The following TNS4 variants were observed in gnomAD, a reference collection of about 807,000 sequenced individuals.
The protein encoded by TNS4 is tensin-4.
In TNS4, 46 loss-of-function variants were observed where a neutral mutation model predicts 70.4. The observed-to-expected ratio is 0.65, with a 90% CI of 0.52 to 0.84. The LOEUF (loss-of-function observed/expected upper bound fraction) is 0.84, where lower values mean the gene tolerates loss of function less well. Among genes scored for constraint, TNS4 ranks in the 40% least tolerant of loss-of-function variants. The pLI, the probability that TNS4 is intolerant of heterozygous loss-of-function variation, is 0.00. For missense variants in TNS4, 863 were observed against 907.0 expected (o/e 0.95, Z 0.62); for synonymous variants, 390 against 366.6 (o/e 1.06, Z -0.73).
Position 40,487,502 on chromosome 17 carries a change from T to C in TNS4, c.864-42A>G, listed in dbSNP as rs576799591. The C allele has an allele frequency of 2.6e-5, 41 of 1,562,330 alleles. 1 individual carries two copies. The South Asian group carries it at 5.0e-4, about 19-fold the overall frequency. ...TCAGACAGGGTGTTAGGGCAACAGG[T>C]GGCTCAGGGGCTAGAGTCAGGCTCC... On this transcript the variant is annotated intron_variant, in intron 3 of 12. Coordinates refer to ENST00000254051, the MANE Select transcript of TNS4 (RefSeq NM_032865.6).
intron 8 of TNS4, 132 bp from the exon 9 acceptor site, chr17:40,480,900 AAACCAGGTGTGATTACCGTAATTAGGC>A: frequency 1.2e-5 from 13 of 1,044,216 alleles, no homozygotes; most frequent in Non-Finnish European, 1.8e-5. Flanking sequence ...GAAGTGACTC[AAACCAGGTGTGATTACCGTAATTAGGC>A]AAACAGGCCA....
rs113668407 is a variant in TNS4, at chr17:40,498,694, A to G, written c.-95-2174T>C. Among the ~76,000 whole-genome samples the G allele has an allele frequency of 8.7e-4, 133 of 152,182 alleles. No homozygotes were observed. In the Middle Eastern group the frequency reaches 0.01, roughly 12 times the overall value. On this transcript the variant is annotated intron_variant, in intron 1 of 12. Coordinates refer to ENST00000254051, the MANE Select transcript of TNS4 (RefSeq NM_032865.6). ...CAGCTCACCCTCCCGAGTAGCTGGG[A>G]CTACAGGCTTGTGCCCTATACCCAG...
chr17:40,477,576 G>T lies in TNS4; in HGVS notation c.*12C>A, dbSNP rs774691750. 5 of 1,613,806 alleles carry T rather than the reference G, an allele frequency of 3.1e-6. No homozygotes were observed. The highest frequency in any genetic ancestry group is 4.2e-6 in the Non-Finnish European group (5 of 1,179,882). ...CTGGAGGTGTTGGTTAGGTGCACAG[G>T]CAGTCTCTCCCCTACATCCTTTCTG... is the stretch of plus-strand genomic sequence containing the variant. On this transcript the variant is annotated 3_prime_UTR_variant, in exon 13 of 13. Coordinates refer to ENST00000254051, the MANE Select transcript of TNS4 (RefSeq NM_032865.6).
intron 4 of TNS4, 152 bp downstream of exon 4, chr17:40,486,884 C>T (rs2035995693): frequency 1.8e-5 from 18 of 1,015,152 alleles, no homozygotes; most frequent in Non-Finnish European, 2.7e-5. Flanking sequence ...TCTTTCTAAA[C>T]TGTTTCCCTC....
intron 2 of TNS4, among the ~76,000 whole-genome samples, chr17:40,489,770 G>A (rs2036042619): frequency 1.5e-5 from 2 of 137,682 alleles, no homozygotes; most frequent in Non-Finnish European, 3.0e-5. Context: ...ACTCCAGCCT[G>A]AGTGACAAGA....
intron 3 of TNS4, 86 bp from the exon 4 acceptor site, chr17:40,487,546 T>G: frequency 1.4e-6 from 2 of 1,449,298 alleles, no homozygotes; most frequent in Non-Finnish European, 1.9e-6. Context: ...TGATCTGGGT[T>G]CCCATGGCTT....
At chr17:40,484,794 A>C in intron 5 of TNS4, 127 bp downstream of exon 5, 1 of 1,362,210 alleles carries the variant, frequency 7.3e-7, no homozygotes, top group South Asian at 1.3e-5. Flanking sequence ...TGAGGTCAGC[A>C]GGACATCCCC....
rs1597689796 is a variant in TNS4, at chr17:40,482,160, G to A, written c.1641C>T (p.Ala547=). The A allele has an allele frequency of 1.2e-6, 2 of 1,614,190 alleles. No individual in the cohort carries two copies. The highest frequency in any genetic ancestry group is 1.7e-6 in the Non-Finnish European group (2 of 1,180,036). Residue 547 remains alanine, a synonymous_variant, in exon 8 of 13, where the codon GCC becomes GCT. Coordinates refer to ENST00000254051, the MANE Select transcript of TNS4 (RefSeq NM_032865.6). The part of the protein sequence containing the change: ...FVCQHSIMAL[A]LPCKLTIPQR... ...GTGGGATGGTGAGTTTGCAGGGCAG[G>A]GCCAGGGCCATGATGGAATGCTGGC...
At position 40,477,511 on chromosome 17, in the gene TNS4, C is replaced by T. The variant is rs1279345537; in HGVS notation, c.*77G>A. ...GGTCTGTCAATATGGCCACAAGCCACACCCATTCAGGGGGTGGAGGGGGGC... is the reference window on the plus strand; with the variant it reads ...GGTCTGTCAATATGGCCACAAGCCATACCCATTCAGGGGGTGGAGGGGGGC... On this transcript the variant is annotated 3_prime_UTR_variant, in exon 13 of 13. Transcript: ENST00000254051. 3.3e-5 allele frequency: 52 copies of T among 1,581,082 alleles called. No homozygotes were observed. The highest frequency in any genetic ancestry group is 4.5e-5 in the Non-Finnish European group (52 of 1,161,684).
At chr17:40,479,636 G>A (rs749589336) in intron 10 of TNS4, 38 bp downstream of exon 10, 6 of 1,594,986 alleles carry the variant, frequency 3.8e-6, no homozygotes, top group East Asian at 2.2e-5. Flanking sequence ...GCTCTACTCC[G>A]CCAGCCCCGG....
chr17:40,495,220 G>A (rs1408982178), intron 2 of TNS4, among the ~76,000 whole-genome samples: 1 of 152,122 alleles, frequency 6.6e-6, no homozygotes, highest in Non-Finnish European at 1.5e-5. Context: ...TTTTACGACA[G>A]TGTCTCCCCA....
intron 8 of TNS4, 51 bp downstream of exon 8, chr17:40,482,078 G>T: frequency 1.9e-6 from 3 of 1,600,928 alleles, no homozygotes; most frequent in South Asian, 1.1e-5. Flanking sequence ...TTTCTAATGA[G>T]AACAAACAGG....
At chr17:40,494,729 CAAAAAAAAAAAA>C (rs5820349) in intron 2 of TNS4, among the ~76,000 whole-genome samples, 1 of 106,164 alleles carries the variant, frequency 9.4e-6, no homozygotes, top group Non-Finnish European at 2.0e-5. Context: ...GACTCCATTG[CAAAAAAAAAAAA>C]AAAAAAAAAA....
chr17:40,488,586 A>G lies in TNS4; in HGVS notation c.823T>C (p.Ser275Pro). ...PQRGSRISVL[S>P]ASPVSDVSYM... ...CTGACATCAGACACTGGGCTGGCTG[A>G]CAGCACAGAGATCCTGCTGCCCCGC... The change falls in exon 3 of 13, where the codon TCA (serine) becomes CCA (proline). Residue 275 changes from serine (S) to proline (P), a missense_variant. Physicochemically the swap from Ser to Pro is moderately conservative, Grantham distance 74 (BLOSUM62 -1). Coordinates refer to ENST00000254051, the MANE Select transcript of TNS4 (RefSeq NM_032865.6). 1 of 1,512,566 alleles carries G rather than the reference A, an allele frequency of 6.6e-7. No homozygotes were observed. The highest frequency in any genetic ancestry group is 8.8e-7 in the Non-Finnish European group (1 of 1,130,508). The allele number at this position is 1,512,566 out of a possible 1,614,324, so 93.7% of individuals were successfully genotyped here.
Position 40,476,113 on chromosome 17 carries a change from T to C in TNS4, c.*1475A>G, listed in dbSNP as rs945213650. ...TGGCTGCTGGGAGGGGGCAGGCACT[T>C]GCTCCTCGTAGAGCAAGAGTGGGTT... On this transcript the variant is annotated 3_prime_UTR_variant, in exon 13 of 13. Coordinates refer to ENST00000254051, the MANE Select transcript of TNS4 (RefSeq NM_032865.6). 1.3e-5 allele frequency: 2 copies of C among 152,068 alleles called. No homozygotes were observed. Among genetic ancestry groups the C allele is most frequent in the African/African-American group, 4.8e-5 (2 of 41,392 alleles). 9.4% of individuals were successfully genotyped at this position (152,068 alleles called of 1,614,324 possible).
intron 9 of TNS4, 33 bp downstream of exon 9, chr17:40,480,667 C>T (rs2035909926): frequency 6.7e-7 from 1 of 1,489,186 alleles, no homozygotes; most frequent in Non-Finnish European, 8.9e-7. Flanking sequence ...GGGGCACAGC[C>T]AAGCTTGGCG....
intron 8 of TNS4, among the ~76,000 whole-genome samples, chr17:40,481,040 C>T (rs942712272): frequency 6.6e-6 from 1 of 152,162 alleles, no homozygotes; most frequent in Non-Finnish European, 1.5e-5. Context: ...TCCTCACAGG[C>T]CCCTGACCTC....
intron 4 of TNS4, among the ~76,000 whole-genome samples, chr17:40,485,816 C>T (rs1272806090): frequency 6.6e-6 from 1 of 152,204 alleles, no homozygotes; most frequent in African/African-American, 2.4e-5. Flanking sequence ...AGTGTTGTGA[C>T]CACTTACTCT....
intron 1 of TNS4, among the ~76,000 whole-genome samples, chr17:40,497,921 T>C (rs545022568): frequency 6.6e-6 from 1 of 152,338 alleles, no homozygotes; most frequent in East Asian, 1.9e-4. Context: ...CTCATTTTCC[T>C]TACTGTGAAA....
Sources: gnomAD v4.1 joint callset for allele counts (sites outside exome capture counted in the v4.1 genomes callset) on GRCh38, gnomAD v4.1.1 for gene constraint, MANE v1.5 for transcripts, NCBI Gene and HGNC (gene_info 2026-07-23, HGNC 2026-07-21) for gene names.